NKAIN2: variants seen among roughly 807,000 people sequenced by gnomAD.
The protein encoded by NKAIN2 is sodium/potassium-transporting ATPase subunit beta-1-interacting protein 2.
NKAIN2 carries 14 observed loss-of-function variants against 32.6 expected under a neutral mutation model. The ratio of observed to expected loss-of-function variants is 0.43; its 90% CI spans 0.28 to 0.67. The LOEUF is 0.67. Among genes scored for constraint, NKAIN2 ranks in the 30% least tolerant of loss-of-function variants. NKAIN2 has a pLI of 0.17. For synonymous variants in NKAIN2, 80 were observed against 87.2 expected (o/e 0.92, Z 0.46); for missense variants, 198 against 258.3 (o/e 0.77, Z 1.60).
At chr6:124,638,392 A>C (rs867346069) in intron 3 of NKAIN2, among the ~76,000 whole-genome samples, 1 of 152,224 alleles carries the variant, frequency 6.6e-6, no homozygotes, top group South Asian at 2.1e-4. Flanking sequence ...ACAGTCAATG[A>C]TATCAAAAGT....
chr6:124,692,411 G>A (rs1774300337), intron 4 of NKAIN2, among the ~76,000 whole-genome samples: 1 of 152,114 alleles, frequency 6.6e-6, no homozygotes, highest in Non-Finnish European at 1.5e-5. Context: ...AGCTCTGTGA[G>A]ATAAATGAGC....
chr6:123,938,519 ATTTATATATTATATTT>A lies in NKAIN2; in HGVS notation c.54+134280_54+134295del, dbSNP rs1411473350. Reference sequence around the variant, plus strand: ...TATTTATATATAATATATTATATATATTTATATATTATATTTTTTATATATTATATATTTATATATT... The same window carrying A: ...TATTTATATATAATATATTATATATATTTATATATTATATATTTATATATT... On this transcript the variant is annotated intron_variant, in intron 1 of 6. Coordinates refer to ENST00000368417, the MANE Select transcript of NKAIN2 (RefSeq NM_001040214.3). 1.5e-4 allele frequency among the ~76,000 whole-genome samples: 20 copies of A among 134,028 alleles called. 1 individual carries two copies. Among genetic ancestry groups the A allele is most frequent in the South Asian group, 6.8e-4 (3 of 4,430 alleles). 87.9% of individuals were successfully genotyped at this position (134,028 alleles called of 152,430 possible). A position where few individuals can be genotyped will look rare whatever the true frequency, so the allele number is the denominator to read the frequency against.
chr6:123,868,956 A>G (rs750142778), intron 1 of NKAIN2, among the ~76,000 whole-genome samples: 4 of 152,220 alleles, frequency 2.6e-5, no homozygotes, highest in Non-Finnish European at 2.9e-5. Flanking sequence ...CTACATATTA[A>G]TGAAGTCTGT....
In NKAIN2 at chr6:124,110,205, A is replaced by G. The variant is rs546373688; in HGVS notation, c.55-172800A>G. On this transcript the variant is annotated intron_variant, in intron 1 of 6. Transcript: ENST00000368417. ...ACTATTATCGAGTGCAGTTTATCCC[A>G]GGGATGTAAAGATAATTTGACACAG... Among the ~76,000 whole-genome samples, 316 of 151,042 alleles carry G rather than the reference A, an allele frequency of 2.1e-3. 2 individuals are homozygous for G. Among genetic ancestry groups the G allele is most frequent in the Non-Finnish European group, 2.9e-3 (194 of 67,742 alleles).
chr6:124,574,313 T>TA (rs11326982), intron 3 of NKAIN2, among the ~76,000 whole-genome samples: 17,093 of 150,198 alleles, frequency 0.11, 989 homozygotes, highest in East Asian at 0.19. Flanking sequence ...CAGAAAAAGT[T>TA]AAAAAAAAAA....
intron 1 of NKAIN2, among the ~76,000 whole-genome samples, chr6:124,243,158 G>A (rs1455993247): frequency 6.6e-6 from 1 of 151,914 alleles, no homozygotes; most frequent in Non-Finnish European, 1.5e-5. Flanking sequence ...AAACAATCAC[G>A]ACATGTTCTG....
In NKAIN2 at chr6:124,809,431, T is replaced by C. The variant is rs1464587218; in HGVS notation, c.536-8956T>C. 5.4e-5 allele frequency among the ~76,000 whole-genome samples: 8 copies of C among 147,108 alleles called. No homozygotes were observed. In the South Asian group the frequency reaches 7.0e-4, roughly 13 times the overall value. On this transcript the variant is annotated intron_variant, in intron 5 of 6. Coordinates refer to ENST00000368417, the MANE Select transcript of NKAIN2 (RefSeq NM_001040214.3). ...GTGCTGGGAAAACTGGCTAGCCATA[T>C]GTAGAAAGCTGAAACTGGATGCCTT...
chr6:124,779,991 G>A (rs960249917), intron 4 of NKAIN2, among the ~76,000 whole-genome samples: 13 of 152,168 alleles, frequency 8.5e-5, no homozygotes, highest in African/African-American at 2.9e-4. Context: ...CTGATAGAAC[G>A]CCAGTTGAAA....
intron 4 of NKAIN2, among the ~76,000 whole-genome samples, chr6:124,686,851 T>A (rs946608078): frequency 3.9e-5 from 6 of 152,096 alleles, no homozygotes; most frequent in African/African-American, 1.4e-4. Flanking sequence ...AGATTAACAT[T>A]TGAGTCAGTG....
At chr6:124,219,644 A>G (rs1026699446) in intron 1 of NKAIN2, among the ~76,000 whole-genome samples, 2 of 152,070 alleles carry the variant, frequency 1.3e-5, no homozygotes, top group African/African-American at 4.8e-5. Context: ...GCAACAGGTA[A>G]ATTTTAAAAA....
At chr6:124,406,562 A>G (rs1773867241) in intron 3 of NKAIN2, among the ~76,000 whole-genome samples, 3 of 152,146 alleles carry the variant, frequency 2.0e-5, no homozygotes, top group African/African-American at 7.2e-5. Flanking sequence ...CAGTCTTTGC[A>G]TGGTTATAGA....
intron 1 of NKAIN2, among the ~76,000 whole-genome samples, chr6:123,900,650 C>A (rs868826524): frequency 3.5e-4 from 49 of 138,154 alleles, no homozygotes; most frequent in African/African-American, 1.1e-3. Flanking sequence ...CGTCTTCAAG[C>A]TTAGTTTTTG....
At chr6:124,365,562 G>A (rs970566560) in intron 3 of NKAIN2, among the ~76,000 whole-genome samples, 4 of 151,752 alleles carry the variant, frequency 2.6e-5, no homozygotes, top group African/African-American at 9.7e-5. Context: ...GAATTAAAAG[G>A]AGAAATAGCC....
intron 2 of NKAIN2, among the ~76,000 whole-genome samples, chr6:124,291,938 T>C (rs1304807005): frequency 6.6e-6 from 1 of 152,042 alleles, no homozygotes; most frequent in Non-Finnish European, 1.5e-5. Flanking sequence ...GACTCAGTTG[T>C]CAAACCTTCA....
chr6:124,821,187 C>T (rs552924266), intron 6 of NKAIN2, among the ~76,000 whole-genome samples: 2 of 151,400 alleles, frequency 1.3e-5, no homozygotes, highest in Admixed American at 6.6e-5. Flanking sequence ...CCCAGTTACT[C>T]GGGAGGCTGA....
chr6:124,715,120 G>A (rs1333246527), intron 4 of NKAIN2, among the ~76,000 whole-genome samples: 1 of 152,150 alleles, frequency 6.6e-6, no homozygotes, highest in East Asian at 1.9e-4. Context: ...ATTCCTCTCT[G>A]GAGCCCTCTA....
intron 1 of NKAIN2, among the ~76,000 whole-genome samples, chr6:124,269,340 C>G (rs369185064): frequency 6.6e-6 from 1 of 152,148 alleles, no homozygotes; most frequent in African/African-American, 2.4e-5. Context: ...ATTTACCATA[C>G]CAGAAATAGC....
chr6:123,872,620 T>C (rs1772950428), intron 1 of NKAIN2, among the ~76,000 whole-genome samples: 1 of 152,228 alleles, frequency 6.6e-6, no homozygotes, highest in South Asian at 2.1e-4. Flanking sequence ...AAAAATTAGC[T>C]AATAAGAACC....
intron 1 of NKAIN2, among the ~76,000 whole-genome samples, chr6:123,864,380 A>C (rs1490896459): frequency 1.3e-5 from 2 of 152,222 alleles, no homozygotes; most frequent in East Asian, 3.8e-4. Context: ...TTATTCATTG[A>C]GTAGATGTTT....
Sources: allele counts gnomAD v4.1 joint callset (sites outside exome capture counted in the v4.1 genomes callset), GRCh38; gene constraint gnomAD v4.1.1; transcripts MANE v1.5; gene names NCBI Gene and HGNC (gene_info 2026-07-23, HGNC 2026-07-21).